Variants in SLC4A5 observed in about 807,000 individuals in gnomAD.
SLC4A5 encodes solute carrier family 4 member 5, also known as electrogenic sodium bicarbonate cotransporter 4.
SLC4A5 carries 96 observed loss-of-function variants against 120.4 expected under a neutral mutation model. That is an observed-to-expected ratio of 0.80 (90% confidence interval 0.68 to 0.94). The LOEUF is 0.94. SLC4A5 is among the 40% of genes least tolerant of loss of function. SLC4A5 has a pLI of 0.00. For synonymous variants in SLC4A5, 550 were observed against 571.1 expected, an observed-to-expected ratio of 0.96 and a Z score of 0.53; for missense variants, 1,259 against 1,459.5, an observed-to-expected ratio of 0.86 and a Z score of 2.24.
chr2:74,255,570 G>C lies in SLC4A5; in HGVS notation c.1025+205C>G, dbSNP rs541006692. Among the ~76,000 whole-genome samples the C allele has an allele frequency of 6.6e-6, 1 of 152,314 alleles. No individual in the cohort carries two copies. The highest frequency in any genetic ancestry group is 1.9e-4 in the East Asian group (1 of 5,190). On this transcript the variant is annotated intron_variant, in intron 13 of 30. Coordinates refer to ENST00000394019, the Ensembl canonical transcript of SLC4A5. This position sits in a 1 kb window ranked among gnomAD's most constrained non-coding sequence, Gnocchi z 4.0. ...GGCATCCCAAAGTGCTGGGATTACA[G>C]GCGTGAGCCACCGCACCTGGCCTCT... is the stretch of plus-strand genomic sequence containing the variant.
intron 30 of SLC4A5, among the ~76,000 whole-genome samples, chr2:74,219,176 GGTGTGTGTGTGTGTGT>G (rs58141033): frequency 3.8e-3 from 510 of 134,340 alleles, no homozygotes; most frequent in Non-Finnish European, 6.2e-3. Flanking sequence ...GCTCTTTGGA[GGTGTGTGTGTGTGTGT>G]GTGTGTGTGT....
At chr2:74,342,172 G>T (rs1187189714) in intron 2 of SLC4A5, among the ~76,000 whole-genome samples, 1 of 152,224 alleles carries the variant, frequency 6.6e-6, no homozygotes, top group Non-Finnish European at 1.5e-5. Context: ...TTTGGGAAAT[G>T]ATAACACTGG....
intron 5 of SLC4A5, among the ~76,000 whole-genome samples, chr2:74,327,581 G>A (rs1673246458): frequency 6.6e-6 from 1 of 152,070 alleles, no homozygotes; most frequent in African/African-American, 2.4e-5. Context: ...GCAAAACCAG[G>A]TACCGTATCC....
intron 25 of SLC4A5, among the ~76,000 whole-genome samples, chr2:74,228,310 C>T (rs558114656): frequency 2.0e-5 from 3 of 152,266 alleles, no homozygotes; most frequent in East Asian, 3.9e-4. Context: ...ACATCAGCAG[C>T]GAGTACCCGG....
At position 74,226,808 on chromosome 2, in the gene SLC4A5, G is replaced by C. The variant is rs541162595; in HGVS notation, c.3090+149C>G. 4.4e-5 allele frequency: 39 copies of C among 883,708 alleles called. No individual in the cohort carries two copies. In the African/African-American group the frequency reaches 6.4e-4, roughly 14 times the overall value. 54.7% of individuals were successfully genotyped at this position (883,708 alleles called of 1,614,324 possible). ...TGGCCTGGACTCACAACTCAAATCA[G>C]GTCATTCTGTGCCAGCCTCCGTGAC... On this transcript the variant is annotated intron_variant, in intron 27 of 30. Transcript: ENST00000394019.
intron 8 of SLC4A5, among the ~76,000 whole-genome samples, chr2:74,276,485 C>T (rs188034846): frequency 6.6e-6 from 1 of 152,292 alleles, no homozygotes; most frequent in Non-Finnish European, 1.5e-5. Context: ...GCTGCAGTTA[C>T]ATCAGCAGAT....
intron 20 of SLC4A5, 150 bp from the exon 21 acceptor site, chr2:74,239,685 G>T (rs532502964): frequency 3.4e-5 from 24 of 705,738 alleles, no homozygotes; most frequent in Admixed American, 8.0e-5. Flanking sequence ...GGACGGGCTG[G>T]TTCAAGGAAT....
exon 19 of SLC4A5, chr2:74,247,239 A>G (rs1393371585): frequency 6.2e-7 from 1 of 1,614,186 alleles, no homozygotes; most frequent in African/African-American, 1.3e-5. Context: ...GGCCACTAGG[A>G]TAAGGCACTG....
chr2:74,232,377 G>T, intron 24 of SLC4A5, 92 bp downstream of exon 24: 4 of 1,475,390 alleles, frequency 2.7e-6, no homozygotes, highest in Middle Eastern at 1.9e-4. Flanking sequence ...GGCCCTTTTT[G>T]TCCAAATCCT....
At chr2:74,307,572 T>G (rs116252692) in intron 6 of SLC4A5, 3 of 672,180 alleles carry the variant, frequency 4.5e-6, no homozygotes, top group African/African-American at 1.8e-5. Flanking sequence ...AATGTGGGCA[T>G]TGTCCACAGT....
At chr2:74,269,210 A>T (rs982917468) in intron 8 of SLC4A5, among the ~76,000 whole-genome samples, 12 of 147,652 alleles carry the variant, frequency 8.1e-5, no homozygotes, top group African/African-American at 2.2e-4. Context: ...TAAGTTCAAA[A>T]TTTTTTTTTT....
intron 4 of SLC4A5, among the ~76,000 whole-genome samples, chr2:74,330,346 G>A (rs563693073): frequency 6.9e-6 from 1 of 144,990 alleles, no homozygotes; most frequent in South Asian, 2.3e-4. Flanking sequence ...ATGGTGGTGA[G>A]GTCTAGATGG....
chr2:74,286,470 G>A (rs1032001437), intron 7 of SLC4A5, among the ~76,000 whole-genome samples: 1 of 152,078 alleles, frequency 6.6e-6, no homozygotes, highest in Non-Finnish European at 1.5e-5. Flanking sequence ...CTCAAAACTC[G>A]ACATTCCTCT....
At chr2:74,294,807 G>T (rs1214336254) in intron 7 of SLC4A5, among the ~76,000 whole-genome samples, 1 of 152,008 alleles carries the variant, frequency 6.6e-6, no homozygotes, top group Non-Finnish European at 1.5e-5. Context: ...GAGTACCTGG[G>T]ATTACAGGTG....
intron 17 of SLC4A5, among the ~76,000 whole-genome samples, chr2:74,249,523 T>A (rs1202316209): frequency 6.6e-6 from 1 of 152,056 alleles, no homozygotes; most frequent in East Asian, 1.9e-4. Flanking sequence ...TGCTGGGAGA[T>A]GAGGCGTGAG....
chr2:74,233,270 G>A, intron 23 of SLC4A5, 132 bp downstream of exon 23: 1 of 1,074,286 alleles, frequency 9.3e-7, no homozygotes, highest in Admixed American at 2.0e-5. Context: ...AACACACCAA[G>A]TGGGAACTCT....
At position 74,255,986 on chromosome 2, in the gene SLC4A5, C is replaced by T; in HGVS notation, c.868-54G>A. On this transcript the variant is annotated intron_variant, in intron 12 of 30. Transcript: ENST00000394019. The surrounding 1 kb of genome is among the most constrained non-coding windows in gnomAD (Gnocchi z 4.0). Reference sequence around the variant, plus strand: ...AAGGAGACTCCCACCTGCTCTCACTCCCTCACTCCCCTTCAGACTGCTTTG... The same window carrying T: ...AAGGAGACTCCCACCTGCTCTCACTTCCTCACTCCCCTTCAGACTGCTTTG... 2 of 1,591,348 alleles carry T rather than the reference C, an allele frequency of 1.3e-6. No individual in the cohort carries two copies. The highest frequency in any genetic ancestry group is 2.2e-5 in the East Asian group (1 of 44,512).
At chr2:74,245,738 C>T (rs751165738) in intron 19 of SLC4A5, among the ~76,000 whole-genome samples, 10 of 152,232 alleles carry the variant, frequency 6.6e-5, no homozygotes, top group Non-Finnish European at 1.3e-4. Flanking sequence ...ACATCTTTAT[C>T]TTCCACAAGG....
At chr2:74,341,049 A>G (rs944232569) in intron 2 of SLC4A5, among the ~76,000 whole-genome samples, 1 of 152,206 alleles carries the variant, frequency 6.6e-6, no homozygotes, top group Non-Finnish European at 1.5e-5. Flanking sequence ...TCACGCCTGT[A>G]ATCTCAACAC....
Sources: allele counts gnomAD v4.1 joint callset (sites outside exome capture counted in the v4.1 genomes callset), GRCh38; gene constraint gnomAD v4.1.1; non-coding constraint Gnocchi (gnomAD v3.1); transcripts MANE v1.5; gene names NCBI Gene and HGNC (gene_info 2026-07-23, HGNC 2026-07-21).